Variants in CDH13 observed in about 807,000 individuals in gnomAD.
The protein encoded by CDH13 is cadherin 13.
CDH13 carries 24 observed loss-of-function variants against 63.8 expected under a neutral mutation model. The observed-to-expected ratio is 0.38, with a 90% CI of 0.27 to 0.53. CDH13 has a LOEUF of 0.53. Ranked by LOEUF, CDH13 falls within the 20% of genes least tolerant of loss-of-function variation. The probability of loss-of-function intolerance (pLI) is 0.85; values close to 1 mark genes in which losing one functional copy is unlikely to be tolerated. For synonymous variants in CDH13, 503 were observed against 355.3 expected (o/e 1.42, Z -4.67); for missense variants, 1,049 against 903.1 (o/e 1.16, Z -2.07).
At chr16:83,533,891 G>A (rs529602349) in intron 7 of CDH13, among the ~76,000 whole-genome samples, 1 of 152,106 alleles carries the variant, frequency 6.6e-6, no homozygotes, top group African/African-American at 2.4e-5. Context: ...GAGCTGCTGG[G>A]ATTACAGGCA....
intron 2 of CDH13, among the ~76,000 whole-genome samples, chr16:82,978,420 C>T (rs532627662): frequency 6.6e-6 from 1 of 152,308 alleles, no homozygotes; most frequent in Admixed American, 6.5e-5. Flanking sequence ...CATGGCAGCC[C>T]CTCCCATTGC....
chr16:83,643,203 C>T (rs1911456293), intron 8 of CDH13, among the ~76,000 whole-genome samples: 1 of 67,098 alleles, frequency 1.5e-5, no homozygotes, highest in Non-Finnish European at 2.7e-5. Context: ...TTAGTGGGTG[C>T]AGCGCACCAG....
chr16:83,756,977 T>C (rs1228292649), intron 11 of CDH13, among the ~76,000 whole-genome samples: 5 of 152,256 alleles, frequency 3.3e-5, no homozygotes, highest in Non-Finnish European at 7.3e-5. Flanking sequence ...CTGAGTTCAT[T>C]CTTTTCAAAT....
chr16:83,134,584 AGAGAGAGAGT>A lies in CDH13; in HGVS notation c.483+9087_483+9096del, dbSNP rs1443193277. Among the ~76,000 whole-genome samples, 192 of 56,800 alleles carry A rather than the reference AGAGAGAGAGT, an allele frequency of 3.4e-3. 6 individuals are homozygous for A. The highest frequency in any genetic ancestry group is 9.5e-3 in the African/African-American group (73 of 7,710). 37.3% of individuals were successfully genotyped at this position (56,800 alleles called of 152,430 possible). On this transcript the variant is annotated intron_variant, in intron 4 of 13. Transcript: ENST00000567109. ...GAGAGAGAGAGAGAGAGAGAGAGAGAGAGAGAGAGTGAGTTACATGACTGTATTTCTGAAT... is the reference window on the plus strand; with the variant it reads ...GAGAGAGAGAGAGAGAGAGAGAGAGAGAGTTACATGACTGTATTTCTGAAT...
At chr16:83,481,120 C>T (rs1292521927) in intron 6 of CDH13, among the ~76,000 whole-genome samples, 2 of 152,206 alleles carry the variant, frequency 1.3e-5, no homozygotes, top group Non-Finnish European at 2.9e-5. Flanking sequence ...AAGAGGTTCA[C>T]CTGGTGACAT....
At chr16:83,213,893 A>G (rs1203906363) in intron 4 of CDH13, among the ~76,000 whole-genome samples, 1 of 152,116 alleles carries the variant, frequency 6.6e-6, no homozygotes, top group Non-Finnish European at 1.5e-5. Context: ...AGAGGTTTGT[A>G]AAATGCACCA....
chr16:83,057,553 A>T (rs2031075066), intron 3 of CDH13, among the ~76,000 whole-genome samples: 1 of 151,330 alleles, frequency 6.6e-6, no homozygotes, highest in African/African-American at 2.4e-5. Context: ...GCTTTTATTG[A>T]GTTAGCAAGT....
At chr16:83,627,221 C>T (rs1910392074) in intron 8 of CDH13, among the ~76,000 whole-genome samples, 1 of 151,966 alleles carries the variant, frequency 6.6e-6, no homozygotes, top group Admixed American at 6.6e-5. Flanking sequence ...ACCCAGGAGG[C>T]AGAGGTTGCA....
At chr16:83,575,228 G>A (rs929179467) in intron 7 of CDH13, among the ~76,000 whole-genome samples, 3 of 152,160 alleles carry the variant, frequency 2.0e-5, no homozygotes, top group African/African-American at 7.2e-5. Context: ...CAATTATGGT[G>A]ATGGTGATGG....
intron 6 of CDH13, among the ~76,000 whole-genome samples, chr16:83,349,497 C>T (rs2090906764): frequency 6.6e-6 from 1 of 152,068 alleles, no homozygotes; most frequent in Non-Finnish European, 1.5e-5. Flanking sequence ...AAGATTGAGG[C>T]CTGCCTGTGG....
chr16:82,719,793 C>T (rs1040783984), intron 1 of CDH13, among the ~76,000 whole-genome samples: 4 of 145,806 alleles, frequency 2.7e-5, no homozygotes, highest in African/African-American at 7.7e-5. Flanking sequence ...TTGCAGTGAG[C>T]CAAGATCACG....
At position 83,009,066 on chromosome 16, in the gene CDH13, C is replaced by A. The variant is rs191264910; in HGVS notation, c.158-22944C>A. ...AAACTACTGCCATTATTCAATTCCA[C>A]CCCCACCGGGTCCTTTCTACCCCAT... On this transcript the variant is annotated intron_variant, in intron 2 of 13. Coordinates refer to ENST00000567109, the MANE Select transcript of CDH13 (RefSeq NM_001257.5). Among the ~76,000 whole-genome samples the A allele has an allele frequency of 2.7e-4, 41 of 152,286 alleles. No homozygotes were observed. In the East Asian group the frequency reaches 7.3e-3, roughly 27 times the overall value.
intron 5 of CDH13, among the ~76,000 whole-genome samples, chr16:83,301,024 G>GTTTTTTTTTTTTTTTTTTTTT (rs1567574870): frequency 3.7e-5 from 2 of 53,988 alleles, no homozygotes; most frequent in African/African-American, 1.3e-4. Context: ...AACTTTCTGG[G>GTTTTTTTTTTTTTTTTTTTTT]GTTTTTTTTT....
At position 83,486,624 on chromosome 16, in the gene CDH13, C is replaced by T. The variant is rs550272728; in HGVS notation, c.929C>T (p.Thr310Ile). 3 of 1,613,942 alleles carry T rather than the reference C, an allele frequency of 1.9e-6. No homozygotes were observed. The highest frequency in any genetic ancestry group is 2.2e-5 in the East Asian group (1 of 44,874). ...GATCCTGAGAAAGGAGACATTGTCA[C>T]TGTTGTGTCACCTGCGCTGCTGGAC... ...YIDPEKGDIVTVVSPALLDRE... is the reference protein window; with the variant it reads ...YIDPEKGDIVIVVSPALLDRE... Residue 310 changes from threonine to isoleucine, a missense_variant, in exon 7 of 14, where the codon ACT (threonine) becomes ATT (isoleucine). Thr to Ile is a moderately conservative substitution (Grantham distance 89). Coordinates refer to ENST00000567109, the MANE Select transcript of CDH13 (RefSeq NM_001257.5).
At chr16:83,524,023 A>C (rs1198153408) in intron 7 of CDH13, among the ~76,000 whole-genome samples, 1 of 152,164 alleles carries the variant, frequency 6.6e-6, no homozygotes. Context: ...GCTCTTAATC[A>C]CTTACCCTGC....
intron 10 of CDH13, among the ~76,000 whole-genome samples, chr16:83,715,419 C>T (rs79815706): frequency 0.01 from 1,596 of 152,268 alleles, 37 homozygotes; most frequent in African/African-American, 0.037. Context: ...TTTGTTTTAG[C>T]ATTTTCGAGT....
chr16:83,774,920 G>A (rs1399512086), intron 11 of CDH13, among the ~76,000 whole-genome samples: 1 of 149,266 alleles, frequency 6.7e-6, no homozygotes, highest in Non-Finnish European at 1.5e-5. Flanking sequence ...ACTTCAAAGT[G>A]GTTAAAAATT....
At chr16:83,270,654 C>G (rs775308959) in intron 5 of CDH13, among the ~76,000 whole-genome samples, 15 of 152,144 alleles carry the variant, frequency 9.9e-5, no homozygotes, top group Admixed American at 2.6e-4. Context: ...AGATTCAGCA[C>G]TCAATAACTC....
At chr16:82,904,135 GA>G (rs200185471) in intron 2 of CDH13, among the ~76,000 whole-genome samples, 1,862 of 152,008 alleles carry the variant, frequency 0.012, 28 homozygotes, top group African/African-American at 0.038. Context: ...ATTTAAAGAA[GA>G]AAAAAACACC....
Sources: gnomAD v4.1 joint callset for allele counts (sites outside exome capture counted in the v4.1 genomes callset) on GRCh38, gnomAD v4.1.1 for gene constraint, MANE v1.5 for transcripts, NCBI Gene and HGNC (gene_info 2026-07-23, HGNC 2026-07-21) for gene names.